Variants in PRMT9 observed in about 807,000 individuals in gnomAD.
The protein encoded by PRMT9 is protein arginine N-methyltransferase 9.
PRMT9 carries 59 observed loss-of-function variants against 83.2 expected under a neutral mutation model. That is an observed-to-expected ratio of 0.71 (90% confidence interval 0.57 to 0.88). The LOEUF (loss-of-function observed/expected upper bound fraction) is 0.88. PRMT9 is among the 40% of genes least tolerant of loss of function. The pLI, the probability that PRMT9 is intolerant of heterozygous loss-of-function variation, is 0.00. For synonymous variants in PRMT9, 333 were observed against 353.2 expected (o/e 0.94, Z 0.64); for missense variants, 947 against 1,021.9 (o/e 0.93, Z 1.00).
Position 147,654,128 on chromosome 4 carries a change from C to G in PRMT9, c.1769G>C (p.Gly590Ala), listed in dbSNP as rs752086737. 7.4e-6 allele frequency: 12 copies of G among 1,614,070 alleles called. No individual in the cohort carries two copies. Among genetic ancestry groups the G allele is most frequent in the South Asian group, 6.6e-5 (6 of 91,090 alleles). Residue 590 changes from glycine (G) to alanine (A), a missense_variant, in exon 9 of 12, where the codon GGC (glycine) becomes GCC (alanine). Gly to Ala is a moderately conservative substitution (Grantham distance 60). Coordinates refer to ENST00000322396, the MANE Select transcript of PRMT9 (RefSeq NM_138364.4). Reference sequence around the variant, plus strand: ...AGCAATAACAGGCAGAACAGAGAAGCCTTCGGACACATCTAACACGTAGAA... The same window carrying G: ...AGCAATAACAGGCAGAACAGAGAAGGCTTCGGACACATCTAACACGTAGAA... ...EPFYVLDVSEGFSVLPVIAGT... is the reference protein window; with the variant it reads ...EPFYVLDVSEAFSVLPVIAGT...
chr4:147,675,270 G>C (rs907429440), intron 2 of PRMT9, among the ~76,000 whole-genome samples: 1 of 152,210 alleles, frequency 6.6e-6, no homozygotes, highest in South Asian at 2.1e-4. Context: ...GTGAGCCACC[G>C]TGCCCAGCTA....
At chr4:147,652,457 A>AC (rs562608118) in intron 9 of PRMT9, among the ~76,000 whole-genome samples, 24 of 151,978 alleles carry the variant, frequency 1.6e-4, no homozygotes, top group Admixed American at 1.0e-3. Flanking sequence ...TCTCAAACAA[A>AC]AAAAAAAAAT....
At chr4:147,649,670 G>A (rs929018698) in intron 9 of PRMT9, among the ~76,000 whole-genome samples, 3 of 151,896 alleles carry the variant, frequency 2.0e-5, no homozygotes, top group Admixed American at 6.6e-5. Context: ...GCTTGGCTAC[G>A]TTTTTTTTAT....
In PRMT9 at chr4:147,654,039, C is replaced by T. The variant is rs1490739794; in HGVS notation, c.1858G>A (p.Asp620Asn). ...AAGTGATTGGCTTCAGATATGAGGT[C>T]CAGAGCAATACGATGCTGGTCTTTC... The part of the protein sequence containing the change: ...VEKDQHRIAL[D>N]LISEANHFPK... Residue 620 changes from aspartate (D) to asparagine (N), a missense_variant, in exon 9 of 12, where the codon GAC becomes AAC. Asp to Asn is a conservative substitution (Grantham distance 23). Transcript: ENST00000322396. The T allele has an allele frequency of 6.2e-7, 1 of 1,614,100 alleles. No individual in the cohort carries two copies. The highest frequency in any genetic ancestry group is 8.5e-7 in the Non-Finnish European group (1 of 1,180,044).
chr4:147,655,888 A>G (rs1734451682), intron 8 of PRMT9, among the ~76,000 whole-genome samples: 1 of 151,744 alleles, frequency 6.6e-6, no homozygotes, highest in Admixed American at 6.5e-5. Flanking sequence ...AGGTTTAAAA[A>G]ACAAAAGATC....
Position 147,683,243 on chromosome 4 carries a change from G to A in PRMT9, c.189+556C>T, listed in dbSNP as rs551380279. Among the ~76,000 whole-genome samples the A allele has an allele frequency of 1.7e-4, 26 of 152,252 alleles. No individual in the cohort carries two copies. In the South Asian group the frequency reaches 4.6e-3, roughly 27 times the overall value. The stretch of plus-strand genomic sequence containing the variant: ...CAGGGCATGCTTAAATTAGATATAA[G>A]GAGAAGAGGATCACGTGAGACCTCA... On this transcript the variant is annotated intron_variant, in intron 1 of 11. Transcript: ENST00000322396.
At chr4:147,665,822 C>T (rs1427729609) in intron 6 of PRMT9, among the ~76,000 whole-genome samples, 1 of 152,178 alleles carries the variant, frequency 6.6e-6, no homozygotes, top group Non-Finnish European at 1.5e-5. Context: ...ACTGTTACAT[C>T]ATAATTTATT....
intron 2 of PRMT9, 81 bp downstream of exon 2, chr4:147,680,242 G>A: frequency 7.6e-7 from 1 of 1,320,614 alleles, no homozygotes; most frequent in Non-Finnish European, 1.1e-6. Context: ...AACTTTCCCT[G>A]TTAAAATTAC....
chr4:147,648,654 T>C (rs545357543), intron 9 of PRMT9, among the ~76,000 whole-genome samples: 2 of 152,336 alleles, frequency 1.3e-5, no homozygotes, highest in African/African-American at 4.8e-5. Flanking sequence ...ACAAGTGACA[T>C]ACTTGTAACT....
chr4:147,670,865 A>G (rs746108431), intron 4 of PRMT9, 122 bp from the exon 5 acceptor site: 4 of 671,520 alleles, frequency 6.0e-6, no homozygotes, highest in Non-Finnish European at 1.0e-5. Flanking sequence ...AATATATCCT[A>G]ATACATTTCA....
At chr4:147,669,360 G>A (rs1005590924) in intron 5 of PRMT9, among the ~76,000 whole-genome samples, 7 of 152,130 alleles carry the variant, frequency 4.6e-5, no homozygotes, top group Non-Finnish European at 8.8e-5. Context: ...CTGGGCAAGA[G>A]AGTGAGACCC....
intron 6 of PRMT9, among the ~76,000 whole-genome samples, 173 bp downstream of exon 6, chr4:147,668,366 A>T (rs1207111993): frequency 3.9e-5 from 6 of 151,972 alleles, no homozygotes; most frequent in Non-Finnish European, 8.8e-5. Context: ...TGCCCCCCAT[A>T]ACCTGCCTGC....
At chr4:147,670,776 T>A in intron 4 of PRMT9, 33 bp from the exon 5 acceptor site, 2 of 1,315,544 alleles carry the variant, frequency 1.5e-6, no homozygotes, top group Non-Finnish European at 2.2e-6. Context: ...TATATGTAAG[T>A]AAAATATCAT....
At position 147,661,011 on chromosome 4, in the gene PRMT9, G is replaced by T. The variant is rs201785835; in HGVS notation, c.981C>A (p.Ile327=). Residue 327 remains isoleucine, a synonymous_variant, in exon 7 of 12, where the codon ATC becomes ATA. Transcript: ENST00000322396. ...GAAATTTCACATTTGTTGGCAAATG[G>T]ATACCAGCAATGTCCTTAATACCCA... ...HRVGIKDIAG[I]HLPTNVKFQS... is the part of the protein sequence containing the mutation. The T allele has an allele frequency of 6.2e-7, 1 of 1,612,162 alleles. No individual in the cohort carries two copies. Among genetic ancestry groups the T allele is most frequent in the East Asian group, 2.2e-5 (1 of 44,826 alleles).
At chr4:147,664,609 G>T (rs1735194287) in intron 6 of PRMT9, among the ~76,000 whole-genome samples, 1 of 152,120 alleles carries the variant, frequency 6.6e-6, no homozygotes, top group Non-Finnish European at 1.5e-5. Context: ...ACTTGGTTAA[G>T]ATGTTGTGTG....
chr4:147,645,049 G>C (rs1390061077), intron 9 of PRMT9, among the ~76,000 whole-genome samples: 2 of 152,138 alleles, frequency 1.3e-5, no homozygotes, highest in Non-Finnish European at 2.9e-5. Context: ...AAGTTAAATA[G>C]AGTAAGAATC....
chr4:147,669,549 T>C (rs1045061694), intron 5 of PRMT9, among the ~76,000 whole-genome samples: 2 of 151,968 alleles, frequency 1.3e-5, no homozygotes, highest in Non-Finnish European at 2.9e-5. Context: ...TCAGTATCAA[T>C]ACCTACTTAA....
chr4:147,663,175 C>CTT (rs1735087604), intron 6 of PRMT9, among the ~76,000 whole-genome samples: 1 of 150,918 alleles, frequency 6.6e-6, no homozygotes. Flanking sequence ...CGCCTGGCTA[C>CTT]TTTTTTGTAT....
At chr4:147,653,712 G>A (rs1228887520) in intron 9 of PRMT9, 140 bp downstream of exon 9, 6 of 667,260 alleles carry the variant, frequency 9.0e-6, no homozygotes, top group Middle Eastern at 4.1e-4. Context: ...GAAGTCACAC[G>A]TCCTGAAAAG....
Sources: gnomAD v4.1 joint callset for allele counts (sites outside exome capture counted in the v4.1 genomes callset) on GRCh38, gnomAD v4.1.1 for gene constraint, MANE v1.5 for transcripts, NCBI Gene and HGNC (gene_info 2026-07-23, HGNC 2026-07-21) for gene names.